UBAP2: variants seen among roughly 807,000 people sequenced by gnomAD.
UBAP2 encodes the protein ubiquitin-associated protein 2.
UBAP2 carries 75 observed loss-of-function variants against 139.6 expected under a neutral mutation model. That is an observed-to-expected ratio of 0.54 (90% CI 0.45 to 0.65). The LOEUF is 0.65. UBAP2 is among the 30% of genes least tolerant of loss of function. The pLI, the probability that UBAP2 is intolerant of heterozygous loss-of-function variation, is 0.00. For synonymous variants in UBAP2, 526 were observed against 526.2 expected (o/e 1.00, Z 0.01); for missense variants, 1,368 against 1,369.6 (o/e 1.00, Z 0.02).
At chr9:33,943,884 C>T (rs771830961) in intron 14 of UBAP2, among the ~76,000 whole-genome samples, 3 of 150,890 alleles carry the variant, frequency 2.0e-5, no homozygotes, top group Non-Finnish European at 2.9e-5. Flanking sequence ...CTGGACAACA[C>T]GGCGAGACCC....
intron 1 of UBAP2, among the ~76,000 whole-genome samples, chr9:34,023,006 C>T (rs1392599264): frequency 6.6e-6 from 1 of 151,976 alleles, no homozygotes; most frequent in Non-Finnish European, 1.5e-5. Context: ...GCAGGCGGAT[C>T]ACGAGGTCAG....
At chr9:33,950,097 G>T (rs572508482) in intron 12 of UBAP2, among the ~76,000 whole-genome samples, 47 of 151,848 alleles carry the variant, frequency 3.1e-4, no homozygotes, top group Non-Finnish European at 6.0e-4. Context: ...AGACAGTCTC[G>T]CTCTGTCACC....
intron 1 of UBAP2, among the ~76,000 whole-genome samples, chr9:34,037,410 C>G (rs1208108853): frequency 2.0e-5 from 3 of 152,172 alleles, no homozygotes; most frequent in African/African-American, 7.2e-5. Context: ...GCTGGGATTA[C>G]AGGAGAGAGC....
intron 1 of UBAP2, among the ~76,000 whole-genome samples, chr9:34,037,080 C>CTGGGA (rs758755147): frequency 3.8e-4 from 55 of 145,010 alleles, no homozygotes; most frequent in Non-Finnish European, 6.7e-4. Flanking sequence ...CCTCCGACTT[C>CTGGGA]TGGGATCAAG....
At chr9:34,047,075 G>C (rs960942311) in intron 1 of UBAP2, among the ~76,000 whole-genome samples, 1 of 152,112 alleles carries the variant, frequency 6.6e-6, no homozygotes, top group Non-Finnish European at 1.5e-5. Context: ...CCTTTCCCAT[G>C]GCCTCATTCT....
At chr9:33,992,609 C>CA (rs36063310) in intron 4 of UBAP2, among the ~76,000 whole-genome samples, 85,894 of 143,446 alleles carry the variant, frequency 0.6, 26,045 homozygotes, top group East Asian at 0.81. Flanking sequence ...TACTGCCCCT[C>CA]AAGCAAAGTC....
At chr9:34,008,627 G>GT (rs1447986431) in intron 2 of UBAP2, among the ~76,000 whole-genome samples, 1 of 5,578 alleles carries the variant, frequency 1.8e-4, no homozygotes, top group Non-Finnish European at 4.1e-4. Flanking sequence ...ACTGCAAAGC[G>GT]TAAGATATAT....
intron 11 of UBAP2, among the ~76,000 whole-genome samples, 193 bp from the exon 12 acceptor site, chr9:33,953,667 G>A (rs1006986521): frequency 4.6e-5 from 7 of 152,154 alleles, no homozygotes; most frequent in African/African-American, 1.7e-4. Context: ...AGAGACTGAA[G>A]CAGGGTTTTG....
At chr9:34,001,977 AC>A (rs1360469276) in intron 2 of UBAP2, among the ~76,000 whole-genome samples, 1 of 151,612 alleles carries the variant, frequency 6.6e-6, no homozygotes. Context: ...AAAAAAAAAA[AC>A]AAAAAAACAG....
chr9:33,997,944 T>C (rs959602236), intron 3 of UBAP2: 1 of 152,166 alleles, frequency 6.6e-6, no homozygotes, highest in Non-Finnish European at 1.5e-5. Context: ...GGCACTGAGG[T>C]AGCGGTTACA....
chr9:34,048,107 T>A (rs1379530831), intron 1 of UBAP2, among the ~76,000 whole-genome samples: 1 of 151,992 alleles, frequency 6.6e-6, no homozygotes, highest in Non-Finnish European at 1.5e-5. Context: ...AAAAGCCGAG[T>A]GGGAAAGTGA....
intron 1 of UBAP2, among the ~76,000 whole-genome samples, chr9:34,020,870 GC>G (rs1342443748): frequency 1.3e-5 from 2 of 151,498 alleles, no homozygotes; most frequent in Non-Finnish European, 1.5e-5. Flanking sequence ...CACCGTGTTA[GC>G]CAGGATGGTC....
chr9:34,043,059 C>T (rs1025713762), intron 1 of UBAP2, among the ~76,000 whole-genome samples: 66 of 152,230 alleles, frequency 4.3e-4, no homozygotes, highest in African/African-American at 1.5e-3. Flanking sequence ...CAAAGCAAGA[C>T]CCTGTCTCCA....
chr9:33,922,774 A>G lies in UBAP2; in HGVS notation c.3177T>C (p.Tyr1059=), dbSNP rs750238859. ...AGATGTGTAGGAATGGTGGGGGTGC[A>G]TAGCCAGGGGCCGCTCCCGAGGCCA... is the stretch of plus-strand genomic sequence containing the variant. ...GPLASGAAPG[Y]APPPFLHILP... Residue 1059 remains tyrosine, a synonymous_variant, in exon 28 of 29, where the codon TAT becomes TAC. Coordinates refer to ENST00000379238, the MANE Select transcript of UBAP2 (RefSeq NM_001370062.2). 4.5e-6 allele frequency: 7 copies of G among 1,561,012 alleles called. No homozygotes were observed. The Admixed American group carries it at 1.1e-4, about 25-fold the overall frequency.
chr9:33,994,136 T>C (rs1359803361), intron 4 of UBAP2, among the ~76,000 whole-genome samples: 1 of 152,086 alleles, frequency 6.6e-6, no homozygotes, highest in Non-Finnish European at 1.5e-5. Context: ...CCTCGTGATC[T>C]GCCCACCTAG....
At chr9:33,929,912 G>A (rs933263585) in intron 19 of UBAP2, among the ~76,000 whole-genome samples, 1 of 152,184 alleles carries the variant, frequency 6.6e-6, no homozygotes. Flanking sequence ...GCTGAGGCAG[G>A]AGAACTGCTT....
chr9:34,037,722 C>G (rs1170274331), intron 1 of UBAP2, among the ~76,000 whole-genome samples: 1 of 151,972 alleles, frequency 6.6e-6, no homozygotes, highest in Non-Finnish European at 1.5e-5. Flanking sequence ...AAATAATCAT[C>G]TGAGAAAAGG....
intron 2 of UBAP2, among the ~76,000 whole-genome samples, chr9:34,002,221 T>G (rs548284498): frequency 3.0e-4 from 46 of 152,238 alleles, no homozygotes; most frequent in African/African-American, 1.0e-3. Flanking sequence ...CCCAAAGAGC[T>G]GGAATTATAG....
chr9:33,951,879 G>A (rs1012952155), intron 12 of UBAP2, among the ~76,000 whole-genome samples: 6 of 152,094 alleles, frequency 3.9e-5, no homozygotes, highest in East Asian at 1.9e-4. Flanking sequence ...AGGGAAAGGC[G>A]GAGGAGGAAA....
Sources: allele counts gnomAD v4.1 joint callset (sites outside exome capture counted in the v4.1 genomes callset), GRCh38; gene constraint gnomAD v4.1.1; transcripts MANE v1.5; gene names NCBI Gene and HGNC (gene_info 2026-07-23, HGNC 2026-07-21).